The following PCDHGB2 variants were observed in gnomAD, a reference collection of about 807,000 sequenced individuals.
The protein encoded by PCDHGB2 is protocadherin gamma subfamily B, 2, also known as protocadherin gamma-B2.
Under a neutral mutation model 59.3 loss-of-function variants are expected in PCDHGB2, and 55 were observed. That is an observed-to-expected ratio of 0.93 (90% CI 0.75 to 1.16). The LOEUF is 1.16. Ranked by LOEUF, PCDHGB2 falls within the 50% of genes most tolerant of loss-of-function variation. PCDHGB2 has a pLI of 0.00. For synonymous variants in PCDHGB2, 516 were observed against 512.0 expected (o/e 1.01, Z -0.11); for missense variants, 1,228 against 1,198.5 (o/e 1.02, Z -0.36).
chr5:141,399,092 G>C (rs573118488), intron 1 of PCDHGB2: 1 of 1,613,810 alleles, frequency 6.2e-7, no homozygotes, highest in East Asian at 2.2e-5. Context: ...GATGGTGGTG[G>C]ACTGGTTGCA....
Position 141,476,676 on chromosome 5 carries a change from G to T in PCDHGB2, c.2422-18131G>T. 1.2e-6 allele frequency: 2 copies of T among 1,614,222 alleles called. No individual in the cohort carries two copies. The highest frequency in any genetic ancestry group is 1.7e-6 in the Non-Finnish European group (2 of 1,180,054). ...TACTTTGCGCTTCGCGTGCAGACGC[G>T]GGAGGACAGCACCAAGTACGCGGAG... On this transcript the variant is annotated intron_variant, in intron 1 of 3. Transcript: ENST00000522605. The surrounding 1 kb of genome is among the most constrained non-coding windows in gnomAD (Gnocchi z 7.6).
chr5:141,415,427 G>C, intron 1 of PCDHGB2: 3 of 1,614,188 alleles, frequency 1.9e-6, no homozygotes, highest in Non-Finnish European at 2.5e-6. Flanking sequence ...GACGGGGTTC[G>C]GGCTTTCCTG....
At chr5:141,388,569 C>T (rs368780854) in intron 1 of PCDHGB2, 7 of 1,613,862 alleles carry the variant, frequency 4.3e-6, no homozygotes, top group African/African-American at 1.3e-5. Context: ...TGCACAGATA[C>T]ACGTTCTAGT....
intron 2 of PCDHGB2, among the ~76,000 whole-genome samples, chr5:141,498,112 AG>A (rs947089103): frequency 2.0e-5 from 3 of 152,232 alleles, no homozygotes; most frequent in African/African-American, 7.2e-5. Flanking sequence ...GGCGTATAAT[AG>A]GGATTTGATT....
intron 1 of PCDHGB2, chr5:141,383,326 A>G: frequency 6.2e-7 from 1 of 1,614,030 alleles, no homozygotes; most frequent in Non-Finnish European, 8.5e-7. Flanking sequence ...TGTAAAAATA[A>G]TGGAGAATAC....
chr5:141,366,456 T>A, intron 1 of PCDHGB2: 1 of 1,614,224 alleles, frequency 6.2e-7, no homozygotes, highest in Non-Finnish European at 8.5e-7. Context: ...GCCTTCGTCA[T>A]CGTGCTGCTG....
rs1464357405 is a variant in PCDHGB2 at position 141,476,385 on chromosome 5, A to G, written c.2422-18422A>G. On this transcript the variant is annotated intron_variant, in intron 1 of 3. Coordinates refer to ENST00000522605, the MANE Select transcript of PCDHGB2 (RefSeq NM_018923.3). The surrounding 1 kb of genome is among the most constrained non-coding windows in gnomAD (Gnocchi z 7.6). ...GAGACCGGAGAGATGTTTGTGAACG[A>G]CCGTCTGGATCGAGAGGAGCTGTGT... The G allele has an allele frequency of 4.3e-6, 7 of 1,614,062 alleles. No homozygotes were observed. The highest frequency in any genetic ancestry group is 5.9e-6 in the Non-Finnish European group (7 of 1,180,020).
chr5:141,416,478 C>T (rs1186938693), intron 1 of PCDHGB2: 4 of 151,994 alleles, frequency 2.6e-5, no homozygotes, highest in Non-Finnish European at 4.4e-5. Context: ...TACATGTTCC[C>T]GAGAACAGGA....
Position 141,360,726 on chromosome 5 carries a change from A to G in PCDHGB2, c.591A>G (p.Lys197=), listed in dbSNP as rs546905813. The change falls in exon 1 of 4, where the codon AAA becomes AAG. Residue 197 remains lysine (K), a synonymous_variant. Coordinates refer to ENST00000522605, the MANE Select transcript of PCDHGB2 (RefSeq NM_018923.3). ...DGRKYPELIL[K]HSLDREEHSL... ...GTAAATATCCTGAGTTGATTCTAAA[A>G]CACTCTCTGGACAGAGAAGAGCACA... The G allele has an allele frequency of 1.6e-5, 26 of 1,613,970 alleles. No individual in the cohort carries two copies. In the Admixed American group the frequency reaches 4.3e-4, roughly 27 times the overall value.
Position 141,362,202 on chromosome 5 carries a change from G to C in PCDHGB2, c.2067G>C (p.Gln689His). The C allele has an allele frequency of 1.2e-6, 2 of 1,614,078 alleles. No individual in the cohort carries two copies. The highest frequency in any genetic ancestry group is 2.7e-5 in the African/African-American group (2 of 75,078). Residue 689 changes from glutamine (Q) to histidine (H), a missense_variant, in exon 1 of 4, where the codon CAG (glutamine) becomes CAC (histidine). Gln to His is a conservative substitution (Grantham distance 24, BLOSUM62 0). Around this residue, in one of 3 missense-constraint regions of PCDHGB2, gnomAD observed 433 missense variants for 441.8 expected, o/e 0.98. Transcript: ENST00000522605. ...CCTCTGACCCCCAGGCAAAACTGCAGTTTTACCTGGTTGTGGCCTTGGCCT... is the reference window on the plus strand; with the variant it reads ...CCTCTGACCCCCAGGCAAAACTGCACTTTTACCTGGTTGTGGCCTTGGCCT... ...REPSDPQAKL[Q>H]FYLVVALALI...
intron 3 of PCDHGB2, among the ~76,000 whole-genome samples, chr5:141,509,338 C>T (rs2099876319): frequency 6.6e-6 from 1 of 152,188 alleles, no homozygotes; most frequent in Admixed American, 6.5e-5. Flanking sequence ...CCAGCTGGGC[C>T]TGGGCTGGCC....
Position 141,361,023 on chromosome 5 carries a change from A to C in PCDHGB2, c.888A>C (p.Glu296Asp), listed in dbSNP as rs1171139053. 6.2e-7 allele frequency: 1 copy of C among 1,613,384 alleles called. No individual in the cohort carries two copies. ...EQVKHFFNLN[E>D]KTGEITTKDD... The stretch of plus-strand genomic sequence containing the variant: ...TGAAACACTTTTTCAACTTAAATGA[A>C]AAAACAGGAGAAATCACGACAAAGG... The change falls in exon 1 of 4, where the codon GAA becomes GAC. Residue 296 changes from glutamate to aspartate, a missense_variant. Around this residue, in one of 3 missense-constraint regions of PCDHGB2, gnomAD observed 781 missense variants for 721.6 expected, o/e 1.08. Transcript: ENST00000522605.
chr5:141,443,708 T>G (rs2098400247), intron 1 of PCDHGB2, among the ~76,000 whole-genome samples: 1 of 152,192 alleles, frequency 6.6e-6, no homozygotes, highest in Non-Finnish European at 1.5e-5. Context: ...GAATAACATT[T>G]GCATATAAAA....
chr5:141,433,299 T>G, intron 1 of PCDHGB2: 1 of 995,012 alleles, frequency 1.0e-6, no homozygotes, highest in Non-Finnish European at 1.5e-6. Flanking sequence ...GCTCAAGCAA[T>G]TATCCCACCT....
intron 1 of PCDHGB2, among the ~76,000 whole-genome samples, chr5:141,453,490 G>A (rs921556476): frequency 6.6e-6 from 1 of 151,922 alleles, no homozygotes; most frequent in Admixed American, 6.6e-5. Flanking sequence ...TTAAAAAAAG[G>A]TGTACTCAGA....
chr5:141,402,973 C>G (rs779898665), intron 1 of PCDHGB2: 1 of 1,607,926 alleles, frequency 6.2e-7, no homozygotes. Context: ...CAACCAAATG[C>G]CAGCTCCGCG....
chr5:141,398,890 G>A (rs763743728), intron 1 of PCDHGB2: 1 of 1,613,920 alleles, frequency 6.2e-7, no homozygotes, highest in East Asian at 2.2e-5. Context: ...TCGGGAAAAC[G>A]TGCCACCAGG....
intron 1 of PCDHGB2, among the ~76,000 whole-genome samples, chr5:141,445,711 G>A (rs978623618): frequency 1.3e-5 from 2 of 152,202 alleles, no homozygotes; most frequent in African/African-American, 4.8e-5. Context: ...TTGTCAGGCA[G>A]AGGAAATAGC....
chr5:141,450,835 T>TA lies in PCDHGB2; in HGVS notation c.2422-43972_2422-43971insA, dbSNP rs1438371595. ...ATTTAATATTATTATTATTATTTTT[T>TA]TTTTTTTGAGATGGGGTCTTGCTCT... is the stretch of plus-strand genomic sequence containing the variant. On this transcript the variant is annotated intron_variant, in intron 1 of 3. Coordinates refer to ENST00000522605, the MANE Select transcript of PCDHGB2 (RefSeq NM_018923.3). 4.0e-3 allele frequency among the ~76,000 whole-genome samples: 570 copies of TA among 142,160 alleles called. 3 individuals are homozygous for TA. The highest frequency in any genetic ancestry group is 0.015 in the Middle Eastern group (4 of 270). The allele number at this position is 142,160 out of a possible 152,430, so 93.3% of individuals were successfully genotyped here.
Sources: allele counts gnomAD v4.1 joint callset (sites outside exome capture counted in the v4.1 genomes callset), GRCh38; gene constraint gnomAD v4.1.1; regional missense constraint gnomAD v4.1.1; non-coding constraint Gnocchi (gnomAD v3.1); transcripts MANE v1.5; gene names NCBI Gene and HGNC (gene_info 2026-07-23, HGNC 2026-07-21).